ZNF350: variants seen among roughly 807,000 people sequenced by gnomAD.
ZNF350 encodes KRAB zinc finger protein ZFQR.
A neutral mutation model predicts 13.1 loss-of-function variants in ZNF350; 5 were observed. The observed-to-expected ratio is 0.38, with a 90% CI of 0.20 to 0.80. The LOEUF is 0.80. Ranked by LOEUF, ZNF350 falls within the 30% of genes least tolerant of loss-of-function variation. ZNF350 has a pLI of 0.43. For missense variants in ZNF350, 534 were observed against 644.2 expected (o/e 0.83, Z 1.85); for synonymous variants, 199 against 224.2 (o/e 0.89, Z 1.00).
At chr19:51,983,749 T>C (rs2086109410) in intron 1 of ZNF350, among the ~76,000 whole-genome samples, 1 of 151,800 alleles carries the variant, frequency 6.6e-6, no homozygotes, top group South Asian at 2.1e-4. Flanking sequence ...CTCACCAAGA[T>C]GGTAAAAATA....
At position 51,969,001 on chromosome 19, in the gene ZNF350, T is replaced by C. The variant is rs776511970; in HGVS notation, c.142+4A>G. On this transcript the variant is annotated splice_donor_region_variant and intron_variant, in intron 3 of 4. Transcript: ENST00000243644. The stretch of plus-strand genomic sequence containing the variant: ...TCTGAGTGACACAGGGCAGCTGTCC[T>C]CACCCACTGCCACCAGGTTGCTGTA... The C allele has an allele frequency of 1.5e-5, 24 of 1,614,010 alleles. No homozygotes were observed. Among genetic ancestry groups the C allele is most frequent in the Non-Finnish European group, 1.9e-5 (23 of 1,179,942 alleles).
At chr19:51,970,722 T>G (rs1568480490) in intron 2 of ZNF350, among the ~76,000 whole-genome samples, 1 of 152,190 alleles carries the variant, frequency 6.6e-6, no homozygotes, top group African/African-American at 2.4e-5. Flanking sequence ...CTGAAAATTT[T>G]TCAGAACTGA....
At chr19:51,970,913 C>CA (rs765192153) in intron 2 of ZNF350, among the ~76,000 whole-genome samples, 49 of 152,148 alleles carry the variant, frequency 3.2e-4, no homozygotes, top group Non-Finnish European at 6.9e-4. Flanking sequence ...CTGACTGCTC[C>CA]ACAGAAATCA....
intron 2 of ZNF350, among the ~76,000 whole-genome samples, chr19:51,971,684 T>A (rs1215701425): frequency 6.6e-6 from 1 of 152,182 alleles, no homozygotes; most frequent in Non-Finnish European, 1.5e-5. Context: ...CTATCTCTTT[T>A]GCCTAATAAA....
At position 51,968,413 on chromosome 19, in the gene ZNF350, T is replaced by C. The variant is rs1422067118; in HGVS notation, c.238+165A>G. ...TAAAGAGTTTTTGTTTTGTTTTGTT[T>C]TTTTTTAACTCTAAATTCCTACAAA... On this transcript the variant is annotated intron_variant, in intron 4 of 4. Transcript: ENST00000243644. The C allele has an allele frequency of 9.3e-6, 6 of 641,812 alleles. No individual in the cohort carries two copies. The African/African-American group carries it at 1.1e-4, about 12-fold the overall frequency. 39.8% of individuals were successfully genotyped at this position (641,812 alleles called of 1,614,324 possible).
Position 51,969,090 on chromosome 19 carries a change from C to T in ZNF350, c.57G>A (p.Trp19Ter), listed in dbSNP as rs768398788. The change falls in exon 3 of 5, where the codon TGG becomes TGA. Residue 19 changes from tryptophan (W) to a stop codon, truncating the protein, a stop_gained. Coordinates refer to ENST00000243644, the MANE Select transcript of ZNF350 (RefSeq NM_021632.4). LOFTEE classifies it high-confidence loss of function. Reference sequence around the variant, plus strand: ...CAGCGCCCAGGAGTTGCCACTCCTCCCAAGTGAAGTCCACAGCCACATCCT... The same window carrying T: ...CAGCGCCCAGGAGTTGCCACTCCTCTCAAGTGAAGTCCACAGCCACATCCT... ...TLEDVAVDFT[W>*]EEWQLLGAAQ... is the part of the protein sequence containing the mutation. The T allele has an allele frequency of 1.4e-5, 22 of 1,613,994 alleles. No individual in the cohort carries two copies. The highest frequency in any genetic ancestry group is 1.9e-5 in the Non-Finnish European group (22 of 1,180,006).
chr19:51,983,663 AAC>A (rs1354181030), intron 1 of ZNF350, among the ~76,000 whole-genome samples: 1 of 152,166 alleles, frequency 6.6e-6, no homozygotes, highest in African/African-American at 2.4e-5. Context: ...ACTTATTTAT[AAC>A]ACAGAGTCCT....
chr19:51,985,864 G>A (rs2086148972), intron 1 of ZNF350, among the ~76,000 whole-genome samples: 1 of 152,052 alleles, frequency 6.6e-6, no homozygotes, highest in Admixed American at 6.6e-5. Context: ...AAAACTAGCC[G>A]GGCGTGGTGG....
intron 4 of ZNF350, among the ~76,000 whole-genome samples, chr19:51,966,716 C>T (rs753592366): frequency 2.1e-4 from 32 of 151,790 alleles, no homozygotes; most frequent in African/African-American, 7.3e-4. Flanking sequence ...GACATGATCC[C>T]GGCTCACTGC....
chr19:51,978,843 T>C (rs1323962507), intron 1 of ZNF350, among the ~76,000 whole-genome samples: 2 of 152,130 alleles, frequency 1.3e-5, no homozygotes, highest in Admixed American at 6.5e-5. Context: ...CAGAAAGACA[T>C]TGGCAAGTGT....
At chr19:51,970,467 A>G (rs1599934373) in intron 2 of ZNF350, among the ~76,000 whole-genome samples, 1 of 129,312 alleles carries the variant, frequency 7.7e-6, no homozygotes, top group African/African-American at 2.9e-5. Flanking sequence ...ATGACAATAA[A>G]AAAGTCTGTA....
chr19:51,969,331 G>C (rs560828495), intron 2 of ZNF350, among the ~76,000 whole-genome samples, 200 bp from the exon 3 acceptor site: 1 of 151,744 alleles, frequency 6.6e-6, no homozygotes, highest in Non-Finnish European at 1.5e-5. Flanking sequence ...CACCCAATTG[G>C]AAGTTTCTAT....
Position 51,965,741 on chromosome 19 carries a change from G to A in ZNF350, c.712C>T (p.Leu238=). Residue 238 remains leucine (L), a synonymous_variant, in exon 5 of 5, where the codon CTA becomes TTA. Transcript: ENST00000243644. ...HTGEKPHRCS[L]CEKAFSRKFM... ...TTTCTGGAGAAGGCTTTCTCACATA[G>A]ACTACATCTGTGGGGTTTCTCTCCT... 1 of 1,613,650 alleles carries A rather than the reference G, an allele frequency of 6.2e-7. No individual in the cohort carries two copies. Among genetic ancestry groups the A allele is most frequent in the Non-Finnish European group, 8.5e-7 (1 of 1,179,804 alleles).
intron 1 of ZNF350, among the ~76,000 whole-genome samples, chr19:51,980,097 T>G (rs559132970): frequency 6.6e-6 from 1 of 152,382 alleles, no homozygotes; most frequent in South Asian, 2.1e-4. Flanking sequence ...TTACAGTTTG[T>G]GTTTTTAATC....
Position 51,965,671 on chromosome 19 carries a change from G to C in ZNF350, c.782C>G (p.Pro261Arg), listed in dbSNP as rs753675609. 18 of 1,614,158 alleles carry C rather than the reference G, an allele frequency of 1.1e-5. 1 individual carries two copies. In the South Asian group the frequency reaches 2.0e-4, roughly 18 times the overall value. The change falls in exon 5 of 5, where the codon CCT (proline) becomes CGT (arginine). Residue 261 changes from proline (P) to arginine (R), a missense_variant. Pro to Arg is a moderately radical substitution (Grantham distance 103). Transcript: ENST00000243644. ...EHQRTHTGEK[P>R]YECPECGKAF... ...TTTGCCACATTCAGGGCATTCATAA[G>C]GTTTTTCTCCTGTATGAGTTCGCTG...
intron 2 of ZNF350, among the ~76,000 whole-genome samples, chr19:51,969,882 C>T (rs1300698875): frequency 6.6e-6 from 1 of 152,074 alleles, no homozygotes; most frequent in Non-Finnish European, 1.5e-5. Flanking sequence ...AACCCATGCA[C>T]ATCCTCCCAT....
intron 3 of ZNF350, 140 bp downstream of exon 3, chr19:51,968,865 A>G (rs1297619365): frequency 6.4e-7 from 1 of 1,557,168 alleles, no homozygotes; most frequent in Admixed American, 1.7e-5. Flanking sequence ...GGTAGATTAC[A>G]CCGTCTTGTG....
chr19:51,984,157 C>T (rs1380577060), intron 1 of ZNF350: 4 of 146,982 alleles, frequency 2.7e-5, no homozygotes, highest in Non-Finnish European at 5.9e-5. Flanking sequence ...GCCTGGGCGA[C>T]GAGAGCAAGA....
At chr19:51,974,557 G>A (rs1180334879) in intron 1 of ZNF350, 26 bp from the exon 2 acceptor site, 10 of 607,584 alleles carry the variant, frequency 1.6e-5, no homozygotes, top group Non-Finnish European at 2.6e-5. Flanking sequence ...CAAATTCAAT[G>A]TAAGTGGTAC....
Sources: gnomAD v4.1 joint callset for allele counts (sites outside exome capture counted in the v4.1 genomes callset) on GRCh38, gnomAD v4.1.1 for gene constraint, MANE v1.5 for transcripts, NCBI Gene and HGNC (gene_info 2026-07-23, HGNC 2026-07-21) for gene names.